GPC6: variants seen among roughly 807,000 people sequenced by gnomAD.
GPC6 encodes glypican-6.
GPC6 carries 14 observed loss-of-function variants against 55.2 expected under a neutral mutation model. The observed-to-expected ratio is 0.25, with a 90% CI of 0.17 to 0.40. The LOEUF (loss-of-function observed/expected upper bound fraction) is 0.40. Ranked by LOEUF, GPC6 falls within the 10% of genes least tolerant of loss-of-function variation. The pLI is 1.00. For missense variants in GPC6, 641 were observed against 708.5 expected (o/e 0.90, Z 1.08); for synonymous variants, 278 against 259.6 (o/e 1.07, Z -0.68).
chr13:93,857,695 T>C (rs1417584092), intron 3 of GPC6, among the ~76,000 whole-genome samples: 2 of 151,610 alleles, frequency 1.3e-5, no homozygotes, highest in African/African-American at 4.8e-5. Flanking sequence ...ACACATTGTT[T>C]TCAGCAAATG....
chr13:93,311,719 C>A lies in GPC6; in HGVS notation c.160+84103C>A, dbSNP rs116513984. ...ATAGAGAAAGATATCTCCTTGACCCCTATGCAGTGCCAGTTTTCTGTCCTG... is the reference window on the plus strand; with the variant it reads ...ATAGAGAAAGATATCTCCTTGACCCATATGCAGTGCCAGTTTTCTGTCCTG... On this transcript the variant is annotated intron_variant, in intron 1 of 8. Transcript: ENST00000377047. Among the ~76,000 whole-genome samples the A allele has an allele frequency of 2.6e-3, 392 of 152,262 alleles. 4 individuals carry two copies. The highest frequency in any genetic ancestry group is 9.0e-3 in the African/African-American group (375 of 41,552).
At chr13:93,481,927 T>C (rs918334978) in intron 1 of GPC6, among the ~76,000 whole-genome samples, 2 of 152,180 alleles carry the variant, frequency 1.3e-5, no homozygotes, top group African/African-American at 4.8e-5. Flanking sequence ...AATGTTATAA[T>C]GAGCTTGTCA....
intron 2 of GPC6, among the ~76,000 whole-genome samples, chr13:93,760,846 T>C (rs772833423): frequency 1.1e-4 from 16 of 152,324 alleles, no homozygotes; most frequent in Non-Finnish European, 2.1e-4. Context: ...TCAGCATCTT[T>C]TAAAGTTTGT....
chr13:93,458,849 AGTT>A (rs1309422607), intron 1 of GPC6, among the ~76,000 whole-genome samples: 2 of 152,076 alleles, frequency 1.3e-5, no homozygotes, highest in Non-Finnish European at 2.9e-5. Flanking sequence ...CTCACAGCGG[AGTT>A]GTTGCACAGG....
At chr13:94,272,678 C>T (rs1399584324) in intron 4 of GPC6, among the ~76,000 whole-genome samples, 1 of 151,930 alleles carries the variant, frequency 6.6e-6, no homozygotes, top group Middle Eastern at 3.4e-3. Flanking sequence ...CCGTGTTAGC[C>T]AGGATGGTCT....
At chr13:94,356,659 G>A (rs1260201877) in intron 6 of GPC6, among the ~76,000 whole-genome samples, 1 of 152,206 alleles carries the variant, frequency 6.6e-6, no homozygotes, top group Non-Finnish European at 1.5e-5. Context: ...GTTACTTCTG[G>A]CAAGTAACAT....
intron 4 of GPC6, among the ~76,000 whole-genome samples, chr13:94,182,059 G>T (rs1375827063): frequency 1.3e-5 from 2 of 152,224 alleles, no homozygotes; most frequent in Non-Finnish European, 2.9e-5. Context: ...AGACCCAGTA[G>T]TTGGCCCCTC....
chr13:94,068,488 C>T (rs1884615481), intron 4 of GPC6, among the ~76,000 whole-genome samples: 1 of 152,116 alleles, frequency 6.6e-6, no homozygotes. Context: ...ACCAACCGTG[C>T]CTTCCCAACA....
chr13:94,090,109 C>A (rs1885427516), intron 4 of GPC6, among the ~76,000 whole-genome samples: 1 of 152,012 alleles, frequency 6.6e-6, no homozygotes. Flanking sequence ...ACTCACAGTT[C>A]CACATGGCTG....
At chr13:94,252,574 G>A (rs1275187804) in intron 4 of GPC6, among the ~76,000 whole-genome samples, 1 of 152,104 alleles carries the variant, frequency 6.6e-6, no homozygotes, top group Non-Finnish European at 1.5e-5. Context: ...AAGTTGTAGA[G>A]TACTGCTTTT....
At chr13:93,645,783 G>GA (rs1182356668) in intron 2 of GPC6, among the ~76,000 whole-genome samples, 2 of 152,064 alleles carry the variant, frequency 1.3e-5, no homozygotes, top group Non-Finnish European at 2.9e-5. Context: ...GTTTTATTTT[G>GA]AATTTAGCAT....
chr13:93,966,651 A>ATT (rs59591951), intron 3 of GPC6, among the ~76,000 whole-genome samples: 2,104 of 118,772 alleles, frequency 0.018, 127 homozygotes, highest in East Asian at 0.046. Flanking sequence ...TGTTTCCTTC[A>ATT]TTTTTTTTTT....
At chr13:93,697,464 G>A (rs1288248410) in intron 2 of GPC6, among the ~76,000 whole-genome samples, 2 of 152,056 alleles carry the variant, frequency 1.3e-5, no homozygotes, top group Admixed American at 6.6e-5. Flanking sequence ...TTCTATATCT[G>A]TTTTACTAAT....
intron 1 of GPC6, among the ~76,000 whole-genome samples, chr13:93,349,138 G>A (rs539733348): frequency 3.9e-5 from 6 of 152,160 alleles, no homozygotes; most frequent in South Asian, 4.2e-4. Flanking sequence ...AAATGAATTC[G>A]GTCATATCTA....
At chr13:94,038,894 A>G (rs533661084) in intron 4 of GPC6, among the ~76,000 whole-genome samples, 1 of 152,070 alleles carries the variant, frequency 6.6e-6, no homozygotes, top group Admixed American at 6.6e-5. Flanking sequence ...TTATCAACTA[A>G]TTGTTAATCA....
Position 93,991,179 on chromosome 13 carries a change from CA to C in GPC6, c.712-36547del, listed in dbSNP as rs146145465. Among the ~76,000 whole-genome samples, 1,815 of 152,016 alleles carry C rather than the reference CA, an allele frequency of 0.012. 60 individuals are homozygous for C. The East Asian group carries it at 0.12, about 10-fold the overall frequency. ...CTCAATATAGAACAGTGAAAAATTC[CA>C]AATCACTATCACATTTCAGAATAAA... On this transcript the variant is annotated intron_variant, in intron 3 of 8. Coordinates refer to ENST00000377047, the MANE Select transcript of GPC6 (RefSeq NM_005708.5).
intron 2 of GPC6, among the ~76,000 whole-genome samples, chr13:93,588,674 A>G (rs1036841516): frequency 6.6e-6 from 1 of 152,144 alleles, no homozygotes; most frequent in African/African-American, 2.4e-5. Flanking sequence ...CAGGCATATC[A>G]CATGGCCAGA....
At chr13:94,223,426 T>C (rs1298021368) in intron 4 of GPC6, among the ~76,000 whole-genome samples, 4 of 152,194 alleles carry the variant, frequency 2.6e-5, no homozygotes, top group Non-Finnish European at 5.9e-5. Context: ...TCGATATCAT[T>C]GTGCTCATTT....
At chr13:93,559,447 G>C (rs1474035699) in intron 2 of GPC6, among the ~76,000 whole-genome samples, 2 of 152,114 alleles carry the variant, frequency 1.3e-5, no homozygotes, top group Non-Finnish European at 1.5e-5. Flanking sequence ...GCACATGATT[G>C]ATGATAATTG....
Sources: gnomAD v4.1 joint callset for allele counts (sites outside exome capture counted in the v4.1 genomes callset) on GRCh38, gnomAD v4.1.1 for gene constraint, MANE v1.5 for transcripts, NCBI Gene and HGNC (gene_info 2026-07-23, HGNC 2026-07-21) for gene names.